Variants in SLC25A48 observed in about 807,000 individuals in gnomAD.
SLC25A48 encodes CTC-321K16.1.
Under a neutral mutation model 32.2 loss-of-function variants are expected in SLC25A48, and 29 were observed. The ratio of observed to expected loss-of-function variants is 0.90; its 90% CI spans 0.67 to 1.23. The LOEUF (loss-of-function observed/expected upper bound fraction) is 1.23, where lower values mean the gene tolerates loss of function less well. Among genes scored for constraint, SLC25A48 ranks in the 50% most tolerant of loss-of-function variants. The pLI is 0.00. For synonymous variants in SLC25A48, 164 were observed against 172.3 expected, an observed-to-expected ratio of 0.95 and a Z score of 0.38; for missense variants, 399 against 422.7, an observed-to-expected ratio of 0.94 and a Z score of 0.49.
At chr5:135,659,048 C>T (rs1753324841) in intron 3 of SLC25A48, among the ~76,000 whole-genome samples, 1 of 152,242 alleles carries the variant, frequency 6.6e-6, no homozygotes, top group African/African-American at 2.4e-5. Flanking sequence ...TAACATTCTG[C>T]TCCCTTGAGT....
chr5:135,836,311 G>A (rs1168502650), intron 1 of SLC25A48, among the ~76,000 whole-genome samples: 1 of 150,122 alleles, frequency 6.7e-6, no homozygotes, highest in African/African-American at 2.4e-5. Context: ...GTTATTGAAA[G>A]TAATGGCAAA....
intron 3 of SLC25A48, among the ~76,000 whole-genome samples, chr5:135,756,104 C>A (rs1490802521): frequency 6.6e-6 from 1 of 151,426 alleles, no homozygotes; most frequent in African/African-American, 2.4e-5. Context: ...TGTCAACACA[C>A]TATGGTATTA....
rs560389805 is a variant in SLC25A48 at position 135,792,345 on chromosome 5, C to T, written c.-520-20178C>T. Among the ~76,000 whole-genome samples, 15 of 151,808 alleles carry T rather than the reference C, an allele frequency of 9.9e-5. No homozygotes were observed. The East Asian group carries it at 2.7e-3, about 27-fold the overall frequency. On this transcript the variant is annotated intron_variant, in intron 3 of 10. Coordinates refer to the SLC25A48 transcript ENST00000646290. ...TTTGGTGGATGTTACTCCTATAAAA[C>T]AGTGGTTGTACGCCATGTGTGTACA...
intron 3 of SLC25A48, among the ~76,000 whole-genome samples, chr5:135,766,527 G>A (rs1285466421): frequency 1.3e-5 from 2 of 151,128 alleles, no homozygotes; most frequent in African/African-American, 4.9e-5. Context: ...TCATATCGTG[G>A]GGGGTGTACA....
intron 1 of SLC25A48, among the ~76,000 whole-genome samples, chr5:135,580,000 A>G (rs1751197170): frequency 6.6e-6 from 1 of 152,252 alleles, no homozygotes; most frequent in Non-Finnish European, 1.5e-5. Context: ...TGAGAACTAT[A>G]GAAATCATAC....
intron 3 of SLC25A48, among the ~76,000 whole-genome samples, chr5:135,723,829 G>C (rs1755027609): frequency 1.3e-5 from 2 of 152,122 alleles, no homozygotes; most frequent in Non-Finnish European, 2.9e-5. Context: ...CAGCCGCCTA[G>C]CTGACTAGTA....
chr5:135,597,456 G>A (rs1266617603), intron 1 of SLC25A48, among the ~76,000 whole-genome samples: 1 of 152,202 alleles, frequency 6.6e-6, no homozygotes, highest in Non-Finnish European at 1.5e-5. Flanking sequence ...TGGGATCCAG[G>A]TACCAGAAAA....
At chr5:135,599,694 T>C (rs372442561) in intron 1 of SLC25A48, among the ~76,000 whole-genome samples, 5 of 152,358 alleles carry the variant, frequency 3.3e-5, no homozygotes, top group African/African-American at 4.8e-5. Flanking sequence ...AAGCTGCTTG[T>C]TCTTCCTTCC....
At chr5:135,886,588 AATATATATAT>A (rs147005349) in intron 7 of SLC25A48, among the ~76,000 whole-genome samples, 6 of 35,438 alleles carry the variant, frequency 1.7e-4, no homozygotes, top group African/African-American at 7.1e-4. Context: ...TATTTAACCA[AATATATATAT>A]ATATATATAT....
intron 3 of SLC25A48, among the ~76,000 whole-genome samples, chr5:135,771,572 G>A (rs1451020932): frequency 6.6e-6 from 1 of 151,582 alleles, no homozygotes; most frequent in East Asian, 1.9e-4. Flanking sequence ...CTGTGATATG[G>A]TTCCTAATAT....
chr5:135,845,718 G>A (rs1011208693), intron 2 of SLC25A48, among the ~76,000 whole-genome samples: 1 of 152,218 alleles, frequency 6.6e-6, no homozygotes, highest in South Asian at 2.1e-4. Context: ...ACAGCAATGA[G>A]CGAGATGATG....
intron 3 of SLC25A48, among the ~76,000 whole-genome samples, chr5:135,701,527 A>G (rs1278219292): frequency 1.3e-5 from 2 of 152,148 alleles, no homozygotes; most frequent in African/African-American, 2.4e-5. Context: ...CATATTGCAA[A>G]GCTTTTGCTG....
At chr5:135,679,279 G>A (rs1753838902) in intron 3 of SLC25A48, among the ~76,000 whole-genome samples, 2 of 152,192 alleles carry the variant, frequency 1.3e-5, no homozygotes, top group Admixed American at 1.3e-4. Flanking sequence ...CCCCCAGTAG[G>A]AGGCTTACAA....
chr5:135,876,533 A>C (rs890965814), intron 6 of SLC25A48, among the ~76,000 whole-genome samples: 2 of 152,166 alleles, frequency 1.3e-5, no homozygotes, highest in African/African-American at 4.8e-5. Context: ...TGTATTAATC[A>C]GTCAAAAATT....
intron 3 of SLC25A48, chr5:135,649,859 G>A (rs1474246110): frequency 6.2e-6 from 1 of 160,604 alleles, no homozygotes; most frequent in Non-Finnish European, 1.4e-5. Context: ...GTACCCATCA[G>A]AGACCTTGGA....
chr5:135,756,242 G>T (rs944811002), intron 3 of SLC25A48, among the ~76,000 whole-genome samples: 14 of 151,214 alleles, frequency 9.3e-5, no homozygotes, highest in Admixed American at 6.6e-4. Flanking sequence ...AGTCTACATG[G>T]TATTTATAAC....
chr5:135,859,233 G>A (rs1382833388), intron 4 of SLC25A48, among the ~76,000 whole-genome samples: 1 of 152,136 alleles, frequency 6.6e-6, no homozygotes, highest in Non-Finnish European at 1.5e-5. Context: ...CATGGCTGGG[G>A]AGGCCTCACA....
intron 3 of SLC25A48, among the ~76,000 whole-genome samples, chr5:135,736,076 G>T (rs1367601639): frequency 6.6e-6 from 1 of 152,066 alleles, no homozygotes. Context: ...AGCCTGGGGA[G>T]GAGGGGAGAG....
intron 3 of SLC25A48, among the ~76,000 whole-genome samples, chr5:135,790,923 G>T (rs529123842): frequency 7.0e-5 from 9 of 129,354 alleles, no homozygotes; most frequent in African/African-American, 2.9e-4. Context: ...GTGTTCGGGG[G>T]ATGTTGCTCC....
Sources: allele counts gnomAD v4.1 joint callset (sites outside exome capture counted in the v4.1 genomes callset), GRCh38; gene constraint gnomAD v4.1.1; transcripts MANE v1.5; gene names NCBI Gene and HGNC (gene_info 2026-07-23, HGNC 2026-07-21).